The following GRK5 variants were observed in gnomAD, a reference collection of about 807,000 sequenced individuals.
GRK5 encodes G protein-coupled receptor kinase 5.
A neutral mutation model predicts 78.4 loss-of-function variants in GRK5; 40 were observed. That is an observed-to-expected ratio of 0.51 (90% confidence interval 0.40 to 0.66). GRK5 has a LOEUF of 0.66. Among genes scored for constraint, GRK5 ranks in the 30% least tolerant of loss-of-function variants. The pLI, the probability that GRK5 is intolerant of heterozygous loss-of-function variation, is 0.00. For missense variants in GRK5, 598 were observed against 759.9 expected, an observed-to-expected ratio of 0.79 and a Z score of 2.50; for synonymous variants, 289 against 296.8, an observed-to-expected ratio of 0.97 and a Z score of 0.27.
chr10:119,207,634 A>G lies in GRK5; in HGVS notation c.-284A>G, dbSNP rs1326779243. 6.9e-6 allele frequency: 2 copies of G among 291,810 alleles called. No homozygotes were observed. Among genetic ancestry groups the G allele is most frequent in the Non-Finnish European group, 1.2e-5 (2 of 169,796 alleles). 18.1% of individuals were successfully genotyped at this position (291,810 alleles called of 1,614,324 possible). ...AGGGGAGGAGAATGGAGTGACAGAG[A>G]CACGCGGAGGGTGGGGGGTGGGGGG... On this transcript the variant is annotated 5_prime_UTR_variant, in exon 1 of 16. Transcript: ENST00000392870.
chr10:119,223,187 T>C (rs1848684592), intron 1 of GRK5, among the ~76,000 whole-genome samples: 1 of 152,202 alleles, frequency 6.6e-6, no homozygotes. Context: ...TCCCTGTGCG[T>C]CTTCCTCTTG....
chr10:119,389,801 A>AACAC (rs66652162), intron 3 of GRK5, among the ~76,000 whole-genome samples: 7,560 of 149,668 alleles, frequency 0.051, 209 homozygotes, highest in East Asian at 0.1. Context: ...GATCATGAGC[A>AACAC]ACACACACAC....
intron 2 of GRK5, among the ~76,000 whole-genome samples, chr10:119,377,289 A>G (rs960549964): frequency 5.3e-5 from 8 of 152,218 alleles, no homozygotes; most frequent in African/African-American, 1.4e-4. Context: ...TTGACTTTCC[A>G]GAAGCAACCT....
At chr10:119,233,944 ACAAT>A (rs778553008) in intron 1 of GRK5, among the ~76,000 whole-genome samples, 26 of 152,368 alleles carry the variant, frequency 1.7e-4, no homozygotes, top group Admixed American at 3.9e-4. Context: ...GGTGTTAGGA[ACAAT>A]AGCTGTGTGA....
Position 119,247,726 on chromosome 10 carries a change from G to A in GRK5, c.52+39757G>A, listed in dbSNP as rs1186156709. ...ATTGTAACCAGCTTTTGTTTAGAGG[G>A]GGCCACATGGAAACTGCTCAGAGAG... On this transcript the variant is annotated intron_variant, in intron 1 of 15. Transcript: ENST00000392870. Among the ~76,000 whole-genome samples, 3 of 152,140 alleles carry A rather than the reference G, an allele frequency of 2.0e-5. No individual in the cohort carries two copies. In the South Asian group the frequency reaches 6.2e-4, roughly 31 times the overall value.
At chr10:119,312,190 A>T (rs1334242963) in intron 1 of GRK5, among the ~76,000 whole-genome samples, 1 of 152,246 alleles carries the variant, frequency 6.6e-6, no homozygotes, top group Non-Finnish European at 1.5e-5. Flanking sequence ...TGCTGGGATT[A>T]CAGGCGTGAG....
In GRK5 at chr10:119,266,164, G is replaced by A. The variant is rs569018852; in HGVS notation, c.52+58195G>A. 3.9e-5 allele frequency among the ~76,000 whole-genome samples: 6 copies of A among 152,298 alleles called. No individual in the cohort carries two copies. In the South Asian group the frequency reaches 8.3e-4, roughly 21 times the overall value. On this transcript the variant is annotated intron_variant, in intron 1 of 15. Transcript: ENST00000392870. ...TGATTTCTTTACCTATTTTAGGAACGATGCTGGCTGGATGGGCGCGAAGGC... is the reference window on the plus strand; with the variant it reads ...TGATTTCTTTACCTATTTTAGGAACAATGCTGGCTGGATGGGCGCGAAGGC...
In GRK5 at chr10:119,248,061, G is replaced by T. The variant is rs1329182773; in HGVS notation, c.52+40092G>T. 2.0e-5 allele frequency among the ~76,000 whole-genome samples: 3 copies of T among 152,238 alleles called. No homozygotes were observed. In the East Asian group the frequency reaches 5.8e-4, roughly 29 times the overall value. On this transcript the variant is annotated intron_variant, in intron 1 of 15. Transcript: ENST00000392870. ...TCTTTTGAGACAGGGTCTCAGGCTG[G>T]AGTGCACTGGTGTGATCATAGCTCA...
chr10:119,398,982 C>T (rs187760230), intron 4 of GRK5, among the ~76,000 whole-genome samples: 52 of 152,342 alleles, frequency 3.4e-4, no homozygotes, highest in African/African-American at 1.3e-3. Flanking sequence ...CCACTGAGGG[C>T]TGCCACCGGG....
chr10:119,337,358 C>T (rs1850908636), intron 2 of GRK5, among the ~76,000 whole-genome samples: 1 of 152,138 alleles, frequency 6.6e-6, no homozygotes, highest in African/African-American at 2.4e-5. Flanking sequence ...AGTGAAATAC[C>T]AGAGACCAGG....
chr10:119,271,593 C>T lies in GRK5; in HGVS notation c.53-54923C>T, dbSNP rs925823824. On this transcript the variant is annotated intron_variant, in intron 1 of 15. Transcript: ENST00000392870. The surrounding 1 kb of genome is among the most constrained non-coding windows in gnomAD (Gnocchi z 4.1). ...TGAAGACCTTGGATGGTCCGGAGCT[C>T]GTAAATGACTCACCCCATCAGTGCT... 6.6e-6 allele frequency among the ~76,000 whole-genome samples: 1 copy of T among 152,156 alleles called. No homozygotes were observed. The highest frequency in any genetic ancestry group is 1.5e-5 in the Non-Finnish European group (1 of 68,026).
In GRK5 at chr10:119,237,237, A is replaced by G. The variant is rs542826404; in HGVS notation, c.52+29268A>G. On this transcript the variant is annotated intron_variant, in intron 1 of 15. Coordinates refer to ENST00000392870, the MANE Select transcript of GRK5 (RefSeq NM_005308.3). Reference sequence around the variant, plus strand: ...GCCACCATTCCCAGCTAAGTTTTGTATTTTTAGTAGAAATGGGGTTTCATC... The same window carrying G: ...GCCACCATTCCCAGCTAAGTTTTGTGTTTTTAGTAGAAATGGGGTTTCATC... 4.0e-5 allele frequency among the ~76,000 whole-genome samples: 6 copies of G among 151,742 alleles called. No individual in the cohort carries two copies. In the South Asian group the frequency reaches 1.0e-3, roughly 26 times the overall value.
chr10:119,233,601 C>T (rs1470373780), intron 1 of GRK5, among the ~76,000 whole-genome samples: 1 of 152,172 alleles, frequency 6.6e-6, no homozygotes, highest in African/African-American at 2.4e-5. Context: ...CCCTGGTTTC[C>T]TGTTTGGGTG....
intron 4 of GRK5, among the ~76,000 whole-genome samples, chr10:119,398,048 T>A (rs1852085752): frequency 6.6e-6 from 1 of 152,254 alleles, no homozygotes; most frequent in Non-Finnish European, 1.5e-5. Flanking sequence ...GCTAGTTTGC[T>A]CTGGACAAGG....
rs1051418449 is a variant in GRK5 at position 119,422,544 on chromosome 10, G to A, written c.340-622G>A. Among the ~76,000 whole-genome samples the A allele has an allele frequency of 1.2e-4, 19 of 152,270 alleles. No individual in the cohort carries two copies. In the South Asian group the frequency reaches 1.7e-3, roughly 13 times the overall value. On this transcript the variant is annotated intron_variant, in intron 4 of 15. Transcript: ENST00000392870. ...GATTCAAACCCAAGCCTGCAGCTCC[G>A]GGGCTATAGCTCCCCTCCCCTCCTC...
intron 1 of GRK5, among the ~76,000 whole-genome samples, chr10:119,249,169 G>C (rs1166202489): frequency 6.6e-6 from 1 of 151,844 alleles, no homozygotes; most frequent in Non-Finnish European, 1.5e-5. Flanking sequence ...TACTCAGGAG[G>C]CTGAGACAGG....
chr10:119,401,295 G>A (rs779261823), intron 4 of GRK5, among the ~76,000 whole-genome samples: 14 of 152,172 alleles, frequency 9.2e-5, no homozygotes, highest in Admixed American at 3.3e-4. Flanking sequence ...CTACAAACCC[G>A]TGCCTGAAGT....
chr10:119,353,336 C>T (rs768749464), intron 2 of GRK5, among the ~76,000 whole-genome samples: 1 of 152,178 alleles, frequency 6.6e-6, no homozygotes, highest in African/African-American at 2.4e-5. Flanking sequence ...CTCAGCCAGG[C>T]ATCTGCCTTT....
At chr10:119,316,629 C>A (rs1200788655) in intron 1 of GRK5, among the ~76,000 whole-genome samples, 4 of 152,204 alleles carry the variant, frequency 2.6e-5, no homozygotes, top group Non-Finnish European at 4.4e-5. Context: ...AATTACAGTT[C>A]TATTGTTGCA....
Sources: allele counts gnomAD v4.1 joint callset (sites outside exome capture counted in the v4.1 genomes callset), GRCh38; gene constraint gnomAD v4.1.1; non-coding constraint Gnocchi (gnomAD v3.1); transcripts MANE v1.5; gene names NCBI Gene and HGNC (gene_info 2026-07-23, HGNC 2026-07-21).